KIF3A: variants seen among roughly 807,000 people sequenced by gnomAD.
The protein encoded by KIF3A is kinesin family member 3A.
Under a neutral mutation model 92.6 loss-of-function variants are expected in KIF3A, and 27 were observed. The ratio of observed to expected loss-of-function variants is 0.29; its 90% CI spans 0.21 to 0.40. The LOEUF is 0.40. Ranked by LOEUF, KIF3A falls within the 10% of genes least tolerant of loss-of-function variation. The probability of loss-of-function intolerance (pLI) is 1.00; values close to 1 mark genes in which losing one functional copy is unlikely to be tolerated. For missense variants in KIF3A, 581 were observed against 872.6 expected, an observed-to-expected ratio of 0.67 and a Z score of 4.21; for synonymous variants, 250 against 275.4, an observed-to-expected ratio of 0.91 and a Z score of 0.92.
chr5:132,691,928 TAATA>T (rs544636782), downstream of KIF3A, among the ~76,000 whole-genome samples: 239 of 146,906 alleles, frequency 1.6e-3, no homozygotes, highest in African/African-American at 5.7e-3. Context: ...TAAAATAAAA[TAATA>T]AATAAAATAA....
intron 4 of KIF3A, among the ~76,000 whole-genome samples, chr5:132,724,808 TATA>T (rs1394271085): frequency 5.9e-5 from 1 of 16,964 alleles, no homozygotes; most frequent in Non-Finnish European, 1.5e-4. Flanking sequence ...AAAAAAAAAA[TATA>T]TATATATATA....
chr5:132,715,691 A>G, intron 8 of KIF3A, 66 bp downstream of exon 8: 10 of 1,236,972 alleles, frequency 8.1e-6, no homozygotes, highest in Non-Finnish European at 1.1e-5. Flanking sequence ...CTTTTGTTAG[A>G]ACAGTTAGTG....
At chr5:132,704,455 T>G (rs189458832) in intron 11 of KIF3A, among the ~76,000 whole-genome samples, 18 of 152,060 alleles carry the variant, frequency 1.2e-4, no homozygotes, top group Admixed American at 1.2e-3. Context: ...CAATTGATTA[T>G]TTTTGCTAAT....
chr5:132,735,263 C>T (rs538965180), intron 1 of KIF3A, among the ~76,000 whole-genome samples: 15 of 152,150 alleles, frequency 9.9e-5, no homozygotes, highest in African/African-American at 2.9e-4. Context: ...TTAGTAGAGA[C>T]GGAATTTCAT....
chr5:132,728,776 A>G (rs1036339887), intron 2 of KIF3A, among the ~76,000 whole-genome samples: 6 of 148,136 alleles, frequency 4.1e-5, no homozygotes, highest in African/African-American at 1.6e-4. Context: ...AATAAATATA[A>G]TAAACTATAT....
intron 2 of KIF3A, among the ~76,000 whole-genome samples, chr5:132,727,549 A>C (rs1279334658): frequency 6.6e-6 from 1 of 152,230 alleles, no homozygotes. Context: ...ATGAGACCAG[A>C]ATGGAAGAAA....
chr5:132,729,826 C>T (rs529657587), intron 2 of KIF3A, among the ~76,000 whole-genome samples: 1 of 151,240 alleles, frequency 6.6e-6, no homozygotes, highest in African/African-American at 2.4e-5. Context: ...TCAGCTTCCA[C>T]TTTAAGTAGA....
At chr5:132,690,768 A>T (rs1306754192), downstream of KIF3A, among the ~76,000 whole-genome samples, 1 of 152,174 alleles carries the variant, frequency 6.6e-6, no homozygotes, top group Non-Finnish European at 1.5e-5. Flanking sequence ...TCTACTAAAA[A>T]TACAAAAAAT....
intron 2 of KIF3A, among the ~76,000 whole-genome samples, chr5:132,732,081 A>G (rs1044568556): frequency 1.3e-5 from 2 of 152,238 alleles, no homozygotes; most frequent in Non-Finnish European, 2.9e-5. Flanking sequence ...ACTAGAATTA[A>G]TAAGTTTAGC....
intron 4 of KIF3A, among the ~76,000 whole-genome samples, chr5:132,724,728 C>T (rs1430392963): frequency 1.4e-5 from 2 of 145,646 alleles, no homozygotes; most frequent in African/African-American, 5.2e-5. Flanking sequence ...ACCAACATGG[C>T]ACATGTATAC....
chr5:132,717,715 CA>C (rs1409581173), intron 5 of KIF3A, among the ~76,000 whole-genome samples: 2 of 151,102 alleles, frequency 1.3e-5, no homozygotes, highest in African/African-American at 4.9e-5. Flanking sequence ...AAACAAAAAA[CA>C]TTTTTTTACA....
Position 132,737,449 on chromosome 5 carries a change from C to A in KIF3A, c.-30G>T, listed in dbSNP as rs1484521303. The A allele has an allele frequency of 1.2e-6, 2 of 1,601,462 alleles. No individual in the cohort carries two copies. ...GCCCCCTCCCGTGCCCGGCGGACGT[C>A]CCCGCCCGGGGTGCAGCCCAGCGAC... On this transcript the variant is annotated 5_prime_UTR_variant, in exon 1 of 19. Transcript: ENST00000403231.
chr5:132,702,123 C>T lies in KIF3A; in HGVS notation c.1848G>A (p.Met616Ile). The T allele has an allele frequency of 1.2e-6, 2 of 1,613,748 alleles. No individual in the cohort carries two copies. ...GAGGTATAAAGTTATCAATAATAAGCATCTGAAGTCGAAGCTCCCGGCTAA... is the reference window on the plus strand; with the variant it reads ...GAGGTATAAAGTTATCAATAATAAGTATCTGAAGTCGAAGCTCCCGGCTAA... ...RQLSRELRLQ[M>I]LIIDNFIPRD... Residue 616 changes from methionine to isoleucine, a missense_variant, in exon 15 of 19, where the codon ATG becomes ATA. Transcript: ENST00000403231.
Position 132,696,361 on chromosome 5 carries a change from C to A in KIF3A, c.*273G>T, listed in dbSNP as rs914915026. 7 of 282,442 alleles carry A rather than the reference C, an allele frequency of 2.5e-5. No homozygotes were observed. Among genetic ancestry groups the A allele is most frequent in the Non-Finnish European group, 4.6e-5 (7 of 151,618 alleles). The allele number at this position is 282,442 out of a possible 1,614,324, so 17.5% of individuals were successfully genotyped here. On this transcript the variant is annotated 3_prime_UTR_variant, in exon 19 of 19. Coordinates refer to ENST00000403231, the MANE Select transcript of KIF3A (RefSeq NM_001300791.2). ...ACACATACATCTAAACTGTAACTCT[C>A]TATAGTATGAACTGTTCCCCCAACT... is the stretch of plus-strand genomic sequence containing the variant.
In KIF3A at chr5:132,692,791, C is replaced by T. The variant is rs1160284942; in HGVS notation, c.*3843G>A. 4.6e-5 allele frequency: 7 copies of T among 152,644 alleles called. No homozygotes were observed. Among genetic ancestry groups the T allele is most frequent in the African/African-American group, 9.7e-5 (4 of 41,398 alleles). The allele number at this position is 152,644 out of a possible 1,614,324, so 9.5% of individuals were successfully genotyped here. A position where few individuals can be genotyped will look rare whatever the true frequency, so the allele number is the denominator to read the frequency against. ...GTAATTTGTAATTTTGGCCAGCATA[C>T]AGTATTATAGTAATGCTACTGAAGT... is the stretch of plus-strand genomic sequence containing the variant. On this transcript the variant is annotated 3_prime_UTR_variant, in exon 19 of 19. Transcript: ENST00000403231.
chr5:132,690,755 G>A (rs1025578261), downstream of KIF3A, among the ~76,000 whole-genome samples: 4 of 151,842 alleles, frequency 2.6e-5, no homozygotes, highest in South Asian at 2.1e-4. Context: ...GTGAAACCCC[G>A]TCTCTACTAA....
chr5:132,696,084 A>G lies in KIF3A; in HGVS notation c.*550T>C, dbSNP rs927609997. 7 of 152,802 alleles carry G rather than the reference A, an allele frequency of 4.6e-5. No homozygotes were observed. The highest frequency in any genetic ancestry group is 1.4e-4 in the African/African-American group (6 of 41,466). The allele number at this position is 152,802 out of a possible 1,614,324, so 9.5% of individuals were successfully genotyped here. ...TTATAACATTTTCTACAAAACATTC[A>G]TAAGATCAGTCATCTCATACTTAAA... On this transcript the variant is annotated 3_prime_UTR_variant, in exon 19 of 19. Coordinates refer to ENST00000403231, the MANE Select transcript of KIF3A (RefSeq NM_001300791.2).
In KIF3A at chr5:132,726,339, AG is replaced by A. The variant is rs1158008268; in HGVS notation, c.425+14del. 6.8e-6 allele frequency: 11 copies of A among 1,612,310 alleles called. No individual in the cohort carries two copies. The highest frequency in any genetic ancestry group is 5.3e-5 in the African/African-American group (4 of 74,890). ...GTACTTCTCAATATCAGAAAATAAA[AG>A]AATTCCCTTTTACCTTGTATCACCC... On this transcript the variant is annotated intron_variant, in intron 3 of 18. Transcript: ENST00000403231.
At chr5:132,701,983 A>G (rs1581065307) in intron 15 of KIF3A, 104 bp downstream of exon 15, 1 of 1,224,980 alleles carries the variant, frequency 8.2e-7, no homozygotes, top group Non-Finnish European at 1.1e-6. Context: ...AAAATTGTAC[A>G]TTCAATAACT....
Sources: gnomAD v4.1 joint callset for allele counts (sites outside exome capture counted in the v4.1 genomes callset) on GRCh38, gnomAD v4.1.1 for gene constraint, MANE v1.5 for transcripts, NCBI Gene and HGNC (gene_info 2026-07-23, HGNC 2026-07-21) for gene names.